KIF5C: variants seen among roughly 807,000 people sequenced by gnomAD.
KIF5C encodes kinesin family member 5C.
Under a neutral mutation model 125.2 loss-of-function variants are expected in KIF5C, and 18 were observed. The ratio of observed to expected loss-of-function variants is 0.14; its 90% confidence interval spans 0.10 to 0.21. The LOEUF (loss-of-function observed/expected upper bound fraction) is 0.21, where lower values mean the gene tolerates loss of function less well. KIF5C is among the 10% of genes least tolerant of loss of function. The pLI is 1.00. For synonymous variants in KIF5C, 405 were observed against 434.0 expected (o/e 0.93, Z 0.83); for missense variants, 780 against 1,183.8 (o/e 0.66, Z 5.01).
At chr2:148,981,761 A>G (rs775085889) in intron 14 of KIF5C, among the ~76,000 whole-genome samples, 200 bp downstream of exon 14, 1 of 152,068 alleles carries the variant, frequency 6.6e-6, no homozygotes, top group South Asian at 2.1e-4. Context: ...ACTGCATATC[A>G]TGACTGTTTT....
chr2:148,913,277 A>G (rs1328785308), intron 1 of KIF5C, among the ~76,000 whole-genome samples: 1 of 152,132 alleles, frequency 6.6e-6, no homozygotes, highest in Non-Finnish European at 1.5e-5. Context: ...GAAATTCTGG[A>G]TCCCAGTCTC....
At chr2:148,996,342 C>G (rs1681672749) in intron 17 of KIF5C, among the ~76,000 whole-genome samples, 3 of 152,124 alleles carry the variant, frequency 2.0e-5, no homozygotes, top group Admixed American at 1.3e-4. Context: ...AAGAACATAC[C>G]CACTCTCTGC....
chr2:148,976,435 A>G (rs2105151658), intron 12 of KIF5C, among the ~76,000 whole-genome samples: 1 of 150,226 alleles, frequency 6.7e-6, no homozygotes, highest in South Asian at 2.1e-4. Context: ...ACGCCTGGCT[A>G]ATTTTTGTAT....
At chr2:148,964,565 AC>A in intron 11 of KIF5C, among the ~76,000 whole-genome samples, 1 of 152,314 alleles carries the variant, frequency 6.6e-6, no homozygotes, top group Non-Finnish European at 1.5e-5. Context: ...CACGCTGCAT[AC>A]CAAGAAGTGA....
chr2:148,962,078 T>A lies in KIF5C; in HGVS notation c.1076T>A (p.Val359Asp). ...EKEKNKTLKNVIQHLEMELNR... is the reference protein window; with the variant it reads ...EKEKNKTLKNDIQHLEMELNR... ...GAGAAAAACAAGACTTTGAAGAATG[T>A]TATCCAGCATCTGGAGATGGAGCTA... The change falls in exon 11 of 26, where the codon GTT becomes GAT. Residue 359 changes from valine (V) to aspartate (D), a missense_variant. This residue lies in a region of KIF5C where 573 missense variants were observed against 742.6 expected (regional missense o/e 0.77). Transcript: ENST00000435030. 6.2e-7 allele frequency: 1 copy of A among 1,612,798 alleles called. No homozygotes were observed. The highest frequency in any genetic ancestry group is 1.7e-5 in the Admixed American group (1 of 59,838).
At chr2:148,887,614 G>A (rs1175605354) in intron 1 of KIF5C, among the ~76,000 whole-genome samples, 3 of 152,150 alleles carry the variant, frequency 2.0e-5, no homozygotes, top group Non-Finnish European at 4.4e-5. Flanking sequence ...GAAACCTCAG[G>A]CAGAGGGACA....
At chr2:148,918,580 A>T (rs1048726063) in intron 1 of KIF5C, among the ~76,000 whole-genome samples, 5 of 152,184 alleles carry the variant, frequency 3.3e-5, no homozygotes, top group Admixed American at 2.0e-4. Flanking sequence ...AGACAGGTAA[A>T]TGAATATCTG....
rs535977108 is a variant in KIF5C, at chr2:148,875,586, A to T, written c.-32A>T. On this transcript the variant is annotated 5_prime_UTR_variant, in exon 1 of 26. Coordinates refer to ENST00000435030, the MANE Select transcript of KIF5C (RefSeq NM_004522.3). ...CGTTCCCGGCCCCGGCCCCCCACCCATCCCCGTGCCCCCTCCCTACCGCCG... is the reference window on the plus strand; with the variant it reads ...CGTTCCCGGCCCCGGCCCCCCACCCTTCCCCGTGCCCCCTCCCTACCGCCG... 13 of 271,604 alleles carry T rather than the reference A, an allele frequency of 4.8e-5. No individual in the cohort carries two copies. The highest frequency in any genetic ancestry group is 2.4e-4 in the South Asian group (7 of 28,970). 16.8% of individuals were successfully genotyped at this position (271,604 alleles called of 1,614,324 possible). A position where few individuals can be genotyped will look rare whatever the true frequency, so the allele number is the denominator to read the frequency against.
chr2:148,998,372 G>T, intron 18 of KIF5C, 28 bp from the exon 19 acceptor site: 2 of 1,553,326 alleles, frequency 1.3e-6, no homozygotes, highest in Non-Finnish European at 1.7e-6. Flanking sequence ...ACGAGTAGAT[G>T]ACATGTTTCT....
At position 148,973,369 on chromosome 2, in the gene KIF5C, C is replaced by T. The variant is rs2105146807; in HGVS notation, c.1151C>T (p.Ala384Val). ...EAVPEDEQIS[A>V]KDQKNLEPCD... ...GTGCCTGAGGATGAACAGATCAGTG[C>T]CAAGGACCAGAAGAACCTGGAGCCT... The change falls in exon 12 of 26, where the codon GCC (alanine) becomes GTC (valine). Residue 384 changes from alanine (A) to valine (V), a missense_variant. Physicochemically the swap from Ala to Val is moderately conservative, Grantham distance 64. This residue lies in a region of KIF5C where 573 missense variants were observed against 742.6 expected (regional missense o/e 0.77). Transcript: ENST00000435030. 6.2e-7 allele frequency: 1 copy of T among 1,613,540 alleles called. No individual in the cohort carries two copies. The highest frequency in any genetic ancestry group is 8.5e-7 in the Non-Finnish European group (1 of 1,179,622).
In KIF5C at chr2:148,942,695, C is replaced by T. The variant is rs373894913; in HGVS notation, c.524C>T (p.Ser175Leu). 4.0e-5 allele frequency: 65 copies of T among 1,611,156 alleles called. No individual in the cohort carries two copies. The African/African-American group carries it at 7.6e-4, about 19-fold the overall frequency. The change falls in exon 7 of 26, where the codon TCG becomes TTG. Residue 175 changes from serine to leucine, a missense_variant. Coordinates refer to ENST00000435030, the MANE Select transcript of KIF5C (RefSeq NM_004522.3). ...YVKGCTERFV[S>L]SPEEVMDVID... ...CAGGGGTGCACTGAGCGGTTTGTGT[C>T]GAGCCCTGAGGAAGTCATGGATGTA...
chr2:148,894,551 C>A (rs1403316061), intron 1 of KIF5C, among the ~76,000 whole-genome samples: 1 of 152,074 alleles, frequency 6.6e-6, no homozygotes, highest in Non-Finnish European at 1.5e-5. Context: ...TAAGAGACTT[C>A]CTTCCTTGGA....
chr2:148,894,703 A>ATATATATATATATATAT (rs1558875720), intron 1 of KIF5C, among the ~76,000 whole-genome samples: 30 of 147,512 alleles, frequency 2.0e-4, no homozygotes, highest in African/African-American at 7.2e-4. Flanking sequence ...AGTTTAGTAC[A>ATATATATATATATATAT]ATATATATAT....
intron 1 of KIF5C, among the ~76,000 whole-genome samples, chr2:148,889,934 C>T: frequency 6.6e-6 from 1 of 152,080 alleles, no homozygotes; most frequent in East Asian, 1.9e-4. Context: ...TGCTGTGGGC[C>T]CCCTTTCTGG....
intron 21 of KIF5C, among the ~76,000 whole-genome samples, chr2:149,002,082 GA>G (rs35642500): frequency 5.3e-5 from 8 of 152,230 alleles, no homozygotes; most frequent in Non-Finnish European, 1.0e-4. Context: ...CGGGGAACCC[GA>G]AATGAAGCCA....
At chr2:148,961,037 TTGGGTTAC>T (rs1396774237) in intron 10 of KIF5C, among the ~76,000 whole-genome samples, 1 of 152,156 alleles carries the variant, frequency 6.6e-6, no homozygotes, top group Non-Finnish European at 1.5e-5. Context: ...AGTTGCCCCT[TTGGGTTAC>T]TCTCCAGGTA....
intron 10 of KIF5C, among the ~76,000 whole-genome samples, chr2:148,955,552 T>C (rs894782539): frequency 3.9e-5 from 6 of 152,108 alleles, no homozygotes; most frequent in African/African-American, 1.2e-4. Flanking sequence ...GTCATGTGAG[T>C]CAGTTTCTTA....
intron 4 of KIF5C, among the ~76,000 whole-genome samples, chr2:148,941,289 T>C (rs1682401221): frequency 6.6e-6 from 1 of 152,232 alleles, no homozygotes; most frequent in African/African-American, 2.4e-5. Flanking sequence ...GAGTGTTTTC[T>C]AAGCGTGCTT....
intron 1 of KIF5C, among the ~76,000 whole-genome samples, chr2:148,918,743 T>A (rs1272143786): frequency 6.6e-6 from 1 of 152,140 alleles, no homozygotes; most frequent in Non-Finnish European, 1.5e-5. Context: ...AATCTAAGAA[T>A]AATAGGAGCC....
Sources: gnomAD v4.1 joint callset for allele counts (sites outside exome capture counted in the v4.1 genomes callset) on GRCh38, gnomAD v4.1.1 for gene constraint, gnomAD v4.1.1 regional missense constraint, MANE v1.5 for transcripts, NCBI Gene and HGNC (gene_info 2026-07-23, HGNC 2026-07-21) for gene names.